The following RAB4B variants were observed in gnomAD, a reference collection of about 807,000 sequenced individuals.
The protein encoded by RAB4B is RAB4B, member RAS oncogene family.
Under a neutral mutation model 28.3 loss-of-function variants are expected in RAB4B, and 15 were observed. The ratio of observed to expected loss-of-function variants is 0.53; its 90% CI spans 0.35 to 0.82. RAB4B has a LOEUF of 0.82. RAB4B is among the 40% of genes least tolerant of loss of function. RAB4B has a pLI of 0.01. For synonymous variants in RAB4B, 108 were observed against 116.3 expected, an observed-to-expected ratio of 0.93 and a Z score of 0.46; for missense variants, 244 against 288.5, an observed-to-expected ratio of 0.85 and a Z score of 1.12.
intron 3 of RAB4B, 36 bp downstream of exon 3, chr19:40,780,535 G>A (rs949311153): frequency 6.5e-7 from 1 of 1,549,668 alleles, no homozygotes; most frequent in African/African-American, 1.4e-5. Context: ...GATGGGGAGA[G>A]AGAGTGAGAA....
At chr19:40,785,974 G>A (rs959034732) in intron 5 of RAB4B, 7 of 161,102 alleles carry the variant, frequency 4.3e-5, no homozygotes, top group Non-Finnish European at 8.1e-5. Flanking sequence ...ATCGGGGTGG[G>A]ATGGAGAACA....
intron 3 of RAB4B, among the ~76,000 whole-genome samples, chr19:40,780,833 GAGAT>G (rs1044914804): frequency 1.7e-4 from 26 of 151,836 alleles, no homozygotes; most frequent in African/African-American, 6.3e-4. Context: ...GAAAGAAAAA[GAGAT>G]AGAGAAAAGT....
intron 3 of RAB4B, 61 bp from the exon 4 acceptor site, chr19:40,783,717 G>C (rs2083072182): frequency 3.4e-6 from 5 of 1,477,682 alleles, no homozygotes; most frequent in East Asian, 2.3e-5. Context: ...TCTCTGTAGA[G>C]GGGGGCATTC....
chr19:40,791,292 TC>T (rs2083157137), intron 7 of RAB4B, among the ~76,000 whole-genome samples: 1 of 152,168 alleles, frequency 6.6e-6, no homozygotes, highest in Admixed American at 6.5e-5. Flanking sequence ...GCCCTGCCAA[TC>T]CTGTCTCCTT....
chr19:40,778,441 T>G, intron 1 of RAB4B, 50 bp downstream of exon 1: 1 of 1,404,478 alleles, frequency 7.1e-7, no homozygotes, highest in Non-Finnish European at 9.3e-7. Flanking sequence ...CCAGGGAGGA[T>G]GCGGCCTGTG....
chr19:40,795,561 GGC>G (rs2083202116), intron 7 of RAB4B, among the ~76,000 whole-genome samples: 1 of 151,694 alleles, frequency 6.6e-6, no homozygotes, highest in Non-Finnish European at 1.5e-5. Context: ...CACCACGCCT[GGC>G]TAATTTTTGT....
At chr19:40,783,292 G>A (rs2083068008) in intron 3 of RAB4B, among the ~76,000 whole-genome samples, 1 of 151,958 alleles carries the variant, frequency 6.6e-6, no homozygotes, top group African/African-American at 2.4e-5. Flanking sequence ...AAATTAGCCA[G>A]GTGTGGTGGT....
chr19:40,789,295 T>C lies in RAB4B; in HGVS notation c.*15+2317T>C, dbSNP rs189602538. ...TCAGCTCACCGCAACCTCTGCCTCC[T>C]AGGTTCAAGCAATTCTCCTGCCTCA... On this transcript the variant is annotated intron_variant, in intron 7 of 7. Coordinates refer to ENST00000357052, the MANE Select transcript of RAB4B (RefSeq NM_016154.5). Among the ~76,000 whole-genome samples, 435 of 152,058 alleles carry C rather than the reference T, an allele frequency of 2.9e-3. 7 individuals carry two copies. The East Asian group carries it at 0.034, about 12-fold the overall frequency.
intron 5 of RAB4B, 137 bp from the exon 6 acceptor site, chr19:40,786,528 A>G: frequency 7.6e-7 from 1 of 1,312,126 alleles, no homozygotes. Context: ...TGGCAGGGAA[A>G]TGGCATGCGC....
chr19:40,785,109 G>A (rs531303531), intron 5 of RAB4B, among the ~76,000 whole-genome samples: 6 of 151,902 alleles, frequency 3.9e-5, no homozygotes, highest in Non-Finnish European at 7.4e-5. Context: ...CACTGCGCCC[G>A]GTGAAAGGCA....
At chr19:40,786,790 G>T (rs763177344) in intron 6 of RAB4B, 30 bp downstream of exon 6, 1 of 1,614,062 alleles carries the variant, frequency 6.2e-7, no homozygotes, top group Non-Finnish European at 8.5e-7. Context: ...GAGTGGGAGC[G>T]AAGGGCAGGC....
chr19:40,790,015 A>G (rs1365788623), intron 7 of RAB4B, among the ~76,000 whole-genome samples: 1 of 152,218 alleles, frequency 6.6e-6, no homozygotes, highest in Non-Finnish European at 1.5e-5. Context: ...TTTTGTGGGT[A>G]CAGCATGAGA....
intron 7 of RAB4B, chr19:40,796,159 C>T (rs1175665279): frequency 1.3e-5 from 2 of 152,290 alleles, no homozygotes; most frequent in Non-Finnish European, 2.9e-5. Flanking sequence ...GCCACTACAC[C>T]TGGCTAATGT....
chr19:40,780,212 T>C (rs1253528894), intron 2 of RAB4B, 113 bp downstream of exon 2: 2 of 1,506,870 alleles, frequency 1.3e-6, no homozygotes, highest in Admixed American at 4.2e-5. Context: ...AGTCCAGTGC[T>C]GGCTTTTTGG....
chr19:40,778,495 G>A (rs1369342891), intron 1 of RAB4B, 104 bp downstream of exon 1: 13 of 1,204,452 alleles, frequency 1.1e-5, no homozygotes, highest in Non-Finnish European at 1.4e-5. Flanking sequence ...GGTCTGGTGT[G>A]ATGGAGGCAG....
At chr19:40,793,810 G>A (rs1185306653) in intron 7 of RAB4B, among the ~76,000 whole-genome samples, 1 of 151,414 alleles carries the variant, frequency 6.6e-6, no homozygotes, top group Non-Finnish European at 1.5e-5. Flanking sequence ...TGTAATCCCA[G>A]CTACTCAGGG....
chr19:40,783,918 C>A lies in RAB4B; in HGVS notation c.276-3C>A. 6.2e-7 allele frequency: 1 copy of A among 1,602,182 alleles called. No homozygotes were observed. The highest frequency in any genetic ancestry group is 8.5e-7 in the Non-Finnish European group (1 of 1,171,220). On this transcript the variant is annotated splice_polypyrimidine_tract_variant and splice_region_variant and intron_variant, in intron 4 of 7. Coordinates refer to ENST00000357052, the MANE Select transcript of RAB4B (RefSeq NM_016154.5). Reference sequence around the variant, plus strand: ...GCCTCCCTCCCTTCTCCCTTCTCCACAGCCGGGAGACATACAACTCACTGG... The same window carrying A: ...GCCTCCCTCCCTTCTCCCTTCTCCAAAGCCGGGAGACATACAACTCACTGG...
intron 7 of RAB4B, among the ~76,000 whole-genome samples, chr19:40,793,468 T>C (rs2083177490): frequency 6.6e-6 from 1 of 151,800 alleles, no homozygotes; most frequent in Admixed American, 6.6e-5. Flanking sequence ...CTCGAACTCC[T>C]GAGCTCAAGT....
Position 40,783,935 on chromosome 19 carries a change from A to G in RAB4B, c.290A>G (p.Asn97Ser). The G allele has an allele frequency of 6.2e-7, 1 of 1,611,090 alleles. No individual in the cohort carries two copies. The highest frequency in any genetic ancestry group is 8.5e-7 in the Non-Finnish European group (1 of 1,177,954). The part of the protein sequence containing the change: ...VYDITSRETY[N>S]SLAAWLTDAR... ...CTTCTCCACAGCCGGGAGACATACA[A>G]CTCACTGGCTGCCTGGCTGACGGAT... is the stretch of plus-strand genomic sequence containing the variant. The change falls in exon 5 of 8, where the codon AAC (asparagine) becomes AGC (serine). Residue 97 changes from asparagine to serine, a missense_variant. By Grantham distance (46) the Asn-to-Ser change is conservative (BLOSUM62 1). Coordinates refer to ENST00000357052, the MANE Select transcript of RAB4B (RefSeq NM_016154.5).
Sources: allele counts gnomAD v4.1 joint callset (sites outside exome capture counted in the v4.1 genomes callset), GRCh38; gene constraint gnomAD v4.1.1; transcripts MANE v1.5; gene names NCBI Gene and HGNC (gene_info 2026-07-23, HGNC 2026-07-21).